CSMD1: variants seen among roughly 807,000 people sequenced by gnomAD.
The protein encoded by CSMD1 is CUB and sushi domain-containing protein 1.
Under a neutral mutation model 417.5 loss-of-function variants are expected in CSMD1, and 213 were observed. That is an observed-to-expected ratio of 0.51 (90% confidence interval 0.46 to 0.57). CSMD1 has a LOEUF of 0.57. Among genes scored for constraint, CSMD1 ranks in the 20% least tolerant of loss-of-function variants. CSMD1 has a pLI of 0.00. For synonymous variants in CSMD1, 2,862 were observed against 1,736.8 expected, an observed-to-expected ratio of 1.65 and a Z score of -16.11; for missense variants, 6,923 against 4,529.7, an observed-to-expected ratio of 1.53 and a Z score of -15.17.
intron 6 of CSMD1, among the ~76,000 whole-genome samples, chr8:3,737,565 T>C (rs1302390017): frequency 6.6e-6 from 1 of 152,186 alleles, no homozygotes; most frequent in South Asian, 2.1e-4. Flanking sequence ...CAGAGTAGCA[T>C]ATATCCTCCT....
intron 7 of CSMD1, among the ~76,000 whole-genome samples, chr8:3,628,165 G>C (rs1796588060): frequency 6.6e-6 from 1 of 152,058 alleles, no homozygotes; most frequent in African/African-American, 2.4e-5. Context: ...CCCCCCTTTG[G>C]TTACTGAATC....
At chr8:4,275,861 G>C (rs1465455179) in intron 3 of CSMD1, among the ~76,000 whole-genome samples, 2 of 152,132 alleles carry the variant, frequency 1.3e-5, no homozygotes, top group African/African-American at 4.8e-5. Context: ...ATTCCACAAG[G>C]CATGAATTAT....
chr8:4,524,552 T>G (rs1796412790), intron 2 of CSMD1, among the ~76,000 whole-genome samples: 1 of 150,856 alleles, frequency 6.6e-6, no homozygotes, highest in African/African-American at 2.4e-5. Context: ...TCATGACCAT[T>G]TTTCATCACA....
At chr8:3,975,609 G>C (rs962182147) in intron 5 of CSMD1, among the ~76,000 whole-genome samples, 3 of 152,112 alleles carry the variant, frequency 2.0e-5, no homozygotes, top group African/African-American at 7.2e-5. Context: ...ATTAGAAAAA[G>C]GGTTCCCATG....
rs780470375 is a variant in CSMD1, at chr8:3,343,316, T to C, written c.3609A>G (p.Gln1203=). 1.9e-6 allele frequency: 3 copies of C among 1,613,752 alleles called. No homozygotes were observed. The highest frequency in any genetic ancestry group is 2.5e-6 in the Non-Finnish European group (3 of 1,179,716). The change falls in exon 23 of 70, where the codon CAA becomes CAG. Residue 1203 remains glutamine (Q), a synonymous_variant. Coordinates refer to ENST00000635120, the MANE Select transcript of CSMD1 (RefSeq NM_033225.6). ...TACTGGTATAGGTGAGTTGAAAACC[T>C]TGGTCGGTGTCAGATCCATTGGTGT... ...EFNTNGSDTD[Q]GFQLTYTSFD...
rs1798358643 is a variant in CSMD1, at chr8:4,802,527, C to T, written c.86-164969G>A. On this transcript the variant is annotated intron_variant, in intron 1 of 69. Transcript: ENST00000635120. ...TTAAGAAAAGACAGAGTGTGAATTT[C>T]CAAGCAACTTGAAACTTTATAATTT... 3.3e-5 allele frequency among the ~76,000 whole-genome samples: 5 copies of T among 152,114 alleles called. No individual in the cohort carries two copies. In the South Asian group the frequency reaches 1.0e-3, roughly 32 times the overall value.
At chr8:3,276,579 C>G (rs908648651) in intron 26 of CSMD1, among the ~76,000 whole-genome samples, 7 of 152,118 alleles carry the variant, frequency 4.6e-5, no homozygotes, top group African/African-American at 1.7e-4. Flanking sequence ...CCACTGGGTC[C>G]CTCCCATGAT....
rs55738548 is a variant in CSMD1, at chr8:3,919,387, G to C, written c.818+78516C>G. Among the ~76,000 whole-genome samples the C allele has an allele frequency of 3.3e-3, 497 of 152,170 alleles. 4 individuals carry two copies. The highest frequency in any genetic ancestry group is 0.012 in the African/African-American group (484 of 41,516). The stretch of plus-strand genomic sequence containing the variant: ...AGTTGTCTCAATCTCATGTGTTGAA[G>C]AGACTCTCTTTTCCCCCATTGTGTC... On this transcript the variant is annotated intron_variant, in intron 5 of 69. Transcript: ENST00000635120.
At chr8:4,205,699 T>C (rs1486387225) in intron 3 of CSMD1, among the ~76,000 whole-genome samples, 1 of 152,112 alleles carries the variant, frequency 6.6e-6, no homozygotes, top group Non-Finnish European at 1.5e-5. Context: ...AGTTTCTTCC[T>C]ACCAAATAAT....
At chr8:4,561,308 A>C (rs1391063506) in intron 2 of CSMD1, among the ~76,000 whole-genome samples, 1 of 152,196 alleles carries the variant, frequency 6.6e-6, no homozygotes, top group Non-Finnish European at 1.5e-5. Context: ...CAGGAGCTGG[A>C]GGTTGCAGTG....
chr8:4,952,411 G>A (rs531694005), intron 1 of CSMD1, among the ~76,000 whole-genome samples: 17 of 152,064 alleles, frequency 1.1e-4, no homozygotes, highest in South Asian at 1.0e-3. Context: ...ATTGTAAAAT[G>A]GAAGAGTCTA....
intron 1 of CSMD1, among the ~76,000 whole-genome samples, chr8:4,639,037 C>G (rs543982474): frequency 2.0e-5 from 3 of 152,132 alleles, no homozygotes; most frequent in Non-Finnish European, 4.4e-5. Context: ...AACAGCTGCA[C>G]ACCTGACCCA....
intron 3 of CSMD1, among the ~76,000 whole-genome samples, chr8:4,229,142 C>T (rs913277353): frequency 6.6e-6 from 1 of 152,198 alleles, no homozygotes; most frequent in Non-Finnish European, 1.5e-5. Context: ...AGAATAACTC[C>T]CTTTTTCTAT....
chr8:3,954,890 A>C (rs1388730461), intron 5 of CSMD1, among the ~76,000 whole-genome samples: 1 of 152,176 alleles, frequency 6.6e-6, no homozygotes. Flanking sequence ...GGTGGAGGGT[A>C]CGTGGAAACT....
In CSMD1 at chr8:3,288,351, T is replaced by C. The variant is rs556683644; in HGVS notation, c.3951-4005A>G. 8.2e-4 allele frequency among the ~76,000 whole-genome samples: 121 copies of C among 147,362 alleles called. 22 individuals carry two copies. The highest frequency in any genetic ancestry group is 3.2e-3 in the African/African-American group (119 of 37,114). The stretch of plus-strand genomic sequence containing the variant: ...GGAGGATTCCTTCTTTTTCTATTGA[T>C]TGGAATAGTTTCAGAAGGAATGGTA... On this transcript the variant is annotated intron_variant, in intron 25 of 69. Coordinates refer to ENST00000635120, the MANE Select transcript of CSMD1 (RefSeq NM_033225.6).
At chr8:4,059,149 C>A (rs1390477701) in intron 3 of CSMD1, among the ~76,000 whole-genome samples, 5 of 152,158 alleles carry the variant, frequency 3.3e-5, no homozygotes, top group Admixed American at 2.6e-4. Flanking sequence ...CACTCAGAAC[C>A]GCTTAACTAC....
rs533250231 is a variant in CSMD1, at chr8:3,029,445, A to T, written c.7729T>A (p.Leu2577Met). Residue 2577 changes from leucine to methionine, a missense_variant, in exon 51 of 70, where the codon TTG (leucine) becomes ATG (methionine). Transcript: ENST00000635120. ...HVIWRLVSGSLNEYGAQVLLS... is the reference protein window; with the variant it reads ...HVIWRLVSGSMNEYGAQVLLS... ...AATACTTGAGCACCGTACTCATTCA[A>T]GGATCCTGAAACCAGCCTCCAGATG... 6.2e-7 allele frequency: 1 copy of T among 1,609,602 alleles called. No individual in the cohort carries two copies. The highest frequency in any genetic ancestry group is 1.3e-5 in the African/African-American group (1 of 74,734).
intron 4 of CSMD1, among the ~76,000 whole-genome samples, chr8:4,030,255 C>T (rs1019341029): frequency 3.3e-5 from 5 of 152,302 alleles, no homozygotes; most frequent in African/African-American, 4.8e-5. Flanking sequence ...CCACATTTCC[C>T]TCCTGCACTG....
At position 3,928,663 on chromosome 8, in the gene CSMD1, G is replaced by A. The variant is rs780442490; in HGVS notation, c.818+69240C>T. Among the ~76,000 whole-genome samples the A allele has an allele frequency of 5.6e-5, 8 of 143,858 alleles. 1 individual carries two copies. The highest frequency in any genetic ancestry group is 8.9e-5 in the Non-Finnish European group (6 of 67,486). 94.4% of individuals were successfully genotyped at this position (143,858 alleles called of 152,430 possible). A position where few individuals can be genotyped will look rare whatever the true frequency, so the allele number is the denominator to read the frequency against. On this transcript the variant is annotated intron_variant, in intron 5 of 69. Transcript: ENST00000635120. The stretch of plus-strand genomic sequence containing the variant: ...TACATGACAATAAAAATGGTTTAAA[G>A]AAGGTATAGATTTTTTTTTAAATTG...
Sources: gnomAD v4.1 joint callset for allele counts (sites outside exome capture counted in the v4.1 genomes callset) on GRCh38, gnomAD v4.1.1 for gene constraint, MANE v1.5 for transcripts, NCBI Gene and HGNC (gene_info 2026-07-23, HGNC 2026-07-21) for gene names.